The following PARM1 variants were observed in gnomAD, a reference collection of about 807,000 sequenced individuals.
PARM1 encodes the protein prostate androgen-regulated mucin-like protein 1.
In PARM1, 14 loss-of-function variants were observed where a neutral mutation model predicts 24.6. The ratio of observed to expected loss-of-function variants is 0.57; its 90% CI spans 0.38 to 0.89. The LOEUF (loss-of-function observed/expected upper bound fraction) is 0.89, where lower values mean the gene tolerates loss of function less well. PARM1 is among the 40% of genes least tolerant of loss of function. The pLI is 0.00. For missense variants in PARM1, 362 were observed against 380.4 expected, an observed-to-expected ratio of 0.95 and a Z score of 0.40; for synonymous variants, 179 against 156.6, an observed-to-expected ratio of 1.14 and a Z score of -1.07.
intron 1 of PARM1, among the ~76,000 whole-genome samples, chr4:74,958,440 T>C (rs1721694840): frequency 6.6e-6 from 1 of 152,158 alleles, no homozygotes; most frequent in Non-Finnish European, 1.5e-5. Flanking sequence ...ACTATTTTAC[T>C]TGATGAAGAA....
chr4:75,041,762 G>A (rs1196687699), intron 3 of PARM1, among the ~76,000 whole-genome samples: 2 of 152,202 alleles, frequency 1.3e-5, no homozygotes, highest in African/African-American at 4.8e-5. Context: ...AGGGAGTAGG[G>A]AGTGCTGCTT....
At chr4:74,982,073 T>G (rs1227658604) in intron 1 of PARM1, among the ~76,000 whole-genome samples, 5 of 152,040 alleles carry the variant, frequency 3.3e-5, no homozygotes, top group African/African-American at 1.2e-4. Context: ...GACTAGATAA[T>G]GAAAATATGG....
intron 3 of PARM1, 103 bp downstream of exon 3, chr4:75,034,064 CT>C: frequency 1.1e-6 from 1 of 897,116 alleles, no homozygotes; most frequent in Non-Finnish European, 1.7e-6. Flanking sequence ...TATCTTAGCC[CT>C]TAGAAATATT....
At chr4:75,016,012 A>G (rs1357525330) in intron 2 of PARM1, among the ~76,000 whole-genome samples, 1 of 152,232 alleles carries the variant, frequency 6.6e-6, no homozygotes, top group Non-Finnish European at 1.5e-5. Flanking sequence ...GGGTTCACGT[A>G]GTATGTTTCT....
chr4:75,030,940 CA>C (rs1723264105), intron 2 of PARM1, among the ~76,000 whole-genome samples: 1 of 152,160 alleles, frequency 6.6e-6, no homozygotes, highest in Non-Finnish European at 1.5e-5. Context: ...AAACAGAACT[CA>C]GGGGGAAATG....
Position 75,046,202 on chromosome 4 carries a change from C to T in PARM1, c.888C>T (p.Tyr296=), listed in dbSNP as rs62314897. 5.3e-3 allele frequency: 8,620 copies of T among 1,612,502 alleles called. 34 individuals are homozygous for T. The highest frequency in any genetic ancestry group is 0.017 in the African/African-American group (1,277 of 74,996). ...GAAGACTTTTGGACGACCATGACTA[C>T]GGGTCCTGGGGAAACTACAACAACC... ...SYGRLLDDHD[Y]GSWGNYNNPL... is the part of the protein sequence containing the mutation. The change falls in exon 4 of 4, where the codon TAC becomes TAT. Residue 296 remains tyrosine, a synonymous_variant. Coordinates refer to ENST00000307428, the MANE Select transcript of PARM1 (RefSeq NM_015393.4).
chr4:75,019,979 C>T lies in PARM1; in HGVS notation c.769+6829C>T, dbSNP rs1393078059. ...GATTGCGCCACTGCAGTCCGCAGTCCGGCCTGGGCGACAGAACGAGACTCC... is the reference window on the plus strand; with the variant it reads ...GATTGCGCCACTGCAGTCCGCAGTCTGGCCTGGGCGACAGAACGAGACTCC... On this transcript the variant is annotated intron_variant, in intron 2 of 3. Coordinates refer to ENST00000307428, the MANE Select transcript of PARM1 (RefSeq NM_015393.4). 3.2e-5 allele frequency among the ~76,000 whole-genome samples: 4 copies of T among 125,828 alleles called. No individual in the cohort carries two copies. In the South Asian group the frequency reaches 8.2e-4, roughly 26 times the overall value. 82.5% of individuals were successfully genotyped at this position (125,828 alleles called of 152,430 possible).
intron 1 of PARM1, among the ~76,000 whole-genome samples, chr4:75,011,670 C>A (rs2109793755): frequency 6.6e-6 from 1 of 152,314 alleles, no homozygotes; most frequent in East Asian, 1.9e-4. Context: ...AATTTTACAA[C>A]ATATGAAGGA....
In PARM1 at chr4:75,033,933, T is replaced by A; in HGVS notation, c.820T>A (p.Phe274Ile). Reference protein sequence around the residue: ...VTVIAVVLLVFGVAAYLKIRH... With the variant: ...VTVIAVVLLVIGVAAYLKIRH... ...AGTCATTGCCGTGGTGCTGCTGGTG[T>A]TTGGAGTTGCAGCCTACCTAAAAAT... Residue 274 changes from phenylalanine to isoleucine, a missense_variant, in exon 3 of 4, where the codon TTT becomes ATT. Physicochemically the swap from Phe to Ile is conservative, Grantham distance 21 (BLOSUM62 0). Transcript: ENST00000307428. The A allele has an allele frequency of 1.9e-6, 3 of 1,603,844 alleles. No homozygotes were observed. Among genetic ancestry groups the A allele is most frequent in the Non-Finnish European group, 2.6e-6 (3 of 1,175,092 alleles).
intron 3 of PARM1, among the ~76,000 whole-genome samples, chr4:75,035,519 C>T (rs1024570517): frequency 2.0e-5 from 3 of 152,144 alleles, no homozygotes; most frequent in African/African-American, 7.2e-5. Flanking sequence ...CTTGACCCCA[C>T]GTGGAGCTCA....
At chr4:75,006,869 C>A (rs1234812177) in intron 1 of PARM1, among the ~76,000 whole-genome samples, 2 of 152,164 alleles carry the variant, frequency 1.3e-5, no homozygotes, top group Non-Finnish European at 2.9e-5. Context: ...CCAAAATTGA[C>A]AAATGGGATC....
rs372823503 is a variant in PARM1, at chr4:74,998,220, T to A, written c.44-14205T>A. On this transcript the variant is annotated intron_variant, in intron 1 of 3. Coordinates refer to ENST00000307428, the MANE Select transcript of PARM1 (RefSeq NM_015393.4). ...ACAGTTGCAGCAGTTGGAGGTTGGT[T>A]AACAAATGAAGCACCGAAGATGGTG... Among the ~76,000 whole-genome samples, 4 of 152,304 alleles carry A rather than the reference T, an allele frequency of 2.6e-5. No homozygotes were observed. In the South Asian group the frequency reaches 8.3e-4, roughly 32 times the overall value.
intron 1 of PARM1, among the ~76,000 whole-genome samples, chr4:74,959,164 C>G (rs1056676933): frequency 6.6e-5 from 10 of 152,126 alleles, no homozygotes; most frequent in African/African-American, 2.4e-4. Flanking sequence ...ATCTTAGTGG[C>G]TATCGTATTA....
At chr4:74,983,525 G>T (rs1300273521) in intron 1 of PARM1, among the ~76,000 whole-genome samples, 2 of 152,062 alleles carry the variant, frequency 1.3e-5, no homozygotes, top group Non-Finnish European at 2.9e-5. Context: ...TGGAAAGCTG[G>T]CTATTCTGGT....
intron 1 of PARM1, among the ~76,000 whole-genome samples, chr4:74,996,921 C>A (rs1227352850): frequency 1.2e-4 from 18 of 152,290 alleles, no homozygotes; most frequent in Admixed American, 1.2e-3. Context: ...AAAGCTGAAA[C>A]GCTTTTGATT....
chr4:75,039,611 A>G (rs1723440023), intron 3 of PARM1, among the ~76,000 whole-genome samples: 1 of 152,064 alleles, frequency 6.6e-6, no homozygotes, highest in Non-Finnish European at 1.5e-5. Context: ...GGGCCCTTGC[A>G]TTTACATATC....
intron 1 of PARM1, among the ~76,000 whole-genome samples, chr4:74,990,476 A>G (rs909283237): frequency 3.3e-5 from 5 of 152,292 alleles, no homozygotes; most frequent in African/African-American, 9.6e-5. Context: ...TCAGCACAAC[A>G]CAGAGCTGGC....
At chr4:74,933,520 G>A in intron 1 of PARM1, 150 bp downstream of exon 1, 1 of 689,122 alleles carries the variant, frequency 1.5e-6, no homozygotes, top group Non-Finnish European at 2.6e-6. Context: ...GATTTGGGGT[G>A]ACGTGCACCT....
chr4:75,007,838 C>T (rs1356467978), intron 1 of PARM1, among the ~76,000 whole-genome samples: 1 of 152,188 alleles, frequency 6.6e-6, no homozygotes, highest in Non-Finnish European at 1.5e-5. Context: ...TCTCTGTCTT[C>T]ACTCGCATGC....
Sources: allele counts gnomAD v4.1 joint callset (sites outside exome capture counted in the v4.1 genomes callset), GRCh38; gene constraint gnomAD v4.1.1; transcripts MANE v1.5; gene names NCBI Gene and HGNC (gene_info 2026-07-23, HGNC 2026-07-21).